DNAH9: variants seen among roughly 807,000 people sequenced by gnomAD.
DNAH9 encodes the protein DNAH9 variant protein.
A neutral mutation model predicts 471.6 loss-of-function variants in DNAH9; 345 were observed. The ratio of observed to expected loss-of-function variants is 0.73; its 90% CI spans 0.67 to 0.80. DNAH9 has a LOEUF of 0.80. Among genes scored for constraint, DNAH9 ranks in the 30% least tolerant of loss-of-function variants. DNAH9 has a pLI of 0.00. For synonymous variants in DNAH9, 2,093 were observed against 2,123.6 expected, an observed-to-expected ratio of 0.99 and a Z score of 0.40; for missense variants, 5,407 against 5,609.2, an observed-to-expected ratio of 0.96 and a Z score of 1.15.
chr17:11,690,197 GT>G lies in DNAH9; in HGVS notation c.4376del (p.Val1459AlafsTer11). 2 of 1,614,222 alleles carry G rather than the reference GT, an allele frequency of 1.2e-6. No individual in the cohort carries two copies. The highest frequency in any genetic ancestry group is 1.7e-6 in the Non-Finnish European group (2 of 1,180,036). Reference sequence around the variant, plus strand: ...GTATGAGCCCCACCCACGGACCAATGTCCCCCTCCTGTGCTCTGATGAGGAC... The same window carrying G: ...GTATGAGCCCCACCCACGGACCAATGCCCCCTCCTGTGCTCTGATGAGGAC... ...FQYEPHPRTN[V>X]PLLCSDEDLI... On this transcript the variant is annotated frameshift_variant, in exon 20 of 69. Transcript: ENST00000262442. LOFTEE classifies it high-confidence loss of function.
intron 50 of DNAH9, 22 bp from the exon 51 acceptor site, chr17:11,869,112 C>T: frequency 6.2e-7 from 1 of 1,611,238 alleles, no homozygotes; most frequent in African/African-American, 1.3e-5. Context: ...GACTGATGGT[C>T]CTTGTATTCC....
intron 49 of DNAH9, among the ~76,000 whole-genome samples, chr17:11,836,873 C>T (rs1468260501): frequency 6.6e-6 from 1 of 152,148 alleles, no homozygotes; most frequent in African/African-American, 2.4e-5. Flanking sequence ...TTTATATTTC[C>T]TAAGATGACT....
At chr17:11,832,093 G>A (rs1003158863) in intron 48 of DNAH9, among the ~76,000 whole-genome samples, 3 of 152,216 alleles carry the variant, frequency 2.0e-5, no homozygotes, top group Non-Finnish European at 4.4e-5. Flanking sequence ...AAATAAGGGA[G>A]AAGAGAAAGA....
chr17:11,624,495 C>G (rs1260982030), intron 6 of DNAH9, among the ~76,000 whole-genome samples: 1 of 150,234 alleles, frequency 6.7e-6, no homozygotes, highest in African/African-American at 2.4e-5. Context: ...GGTGACAGAG[C>G]AAGACTCCAT....
intron 61 of DNAH9, among the ~76,000 whole-genome samples, chr17:11,922,995 T>C (rs568124120): frequency 6.6e-6 from 1 of 152,198 alleles, no homozygotes; most frequent in South Asian, 2.1e-4. Context: ...CCTACCCCTC[T>C]TTGGGAATTA....
At chr17:11,835,325 G>A (rs374743150) in intron 49 of DNAH9, among the ~76,000 whole-genome samples, 2 of 152,254 alleles carry the variant, frequency 1.3e-5, no homozygotes, top group South Asian at 2.1e-4. Context: ...TGGGACACAC[G>A]AGCCCTTTAA....
intron 27 of DNAH9, chr17:11,723,021 G>A (rs2075088533): frequency 6.6e-6 from 1 of 152,288 alleles, no homozygotes; most frequent in South Asian, 2.1e-4. Flanking sequence ...TCCTCCTCCT[G>A]AGTCTCTGGT....
At chr17:11,694,777 C>CTTCTTTCTTTCTTTCTTTCT in intron 22 of DNAH9, among the ~76,000 whole-genome samples, 1 of 1,246 alleles carries the variant, frequency 8.0e-4, no homozygotes, top group African/African-American at 1.6e-3. Context: ...TCCTTCCTTC[C>CTTCTTTCTTTCTTTCTTTCT]TTCTTTCTTT....
chr17:11,844,543 T>C (rs1971146634), intron 49 of DNAH9, among the ~76,000 whole-genome samples: 1 of 152,042 alleles, frequency 6.6e-6, no homozygotes, highest in Admixed American at 6.6e-5. Context: ...GTAGCTGGGA[T>C]TGCAGGCGCA....
rs756703195 is a variant in DNAH9, at chr17:11,701,089, G to T, written c.5026-33G>T. ...TGTAGGACTAACCAAAACTTCTCAGGCACCCAGTGTCTAACCTGAGTTGTT... is the reference window on the plus strand; with the variant it reads ...TGTAGGACTAACCAAAACTTCTCAGTCACCCAGTGTCTAACCTGAGTTGTT... On this transcript the variant is annotated intron_variant, in intron 23 of 68. Coordinates refer to ENST00000262442, the MANE Select transcript of DNAH9 (RefSeq NM_001372.4). The T allele has an allele frequency of 2.5e-6, 4 of 1,613,116 alleles. No homozygotes were observed. The South Asian group carries it at 3.3e-5, about 13-fold the overall frequency.
At chr17:11,649,032 C>T (rs150433601) in intron 12 of DNAH9, among the ~76,000 whole-genome samples, 196 of 151,772 alleles carry the variant, frequency 1.3e-3, no homozygotes, top group African/African-American at 4.5e-3. Context: ...GAGGCTGAGG[C>T]AGGAGAATTG....
chr17:11,866,746 C>T (rs4309438), intron 50 of DNAH9, among the ~76,000 whole-genome samples: 59,408 of 152,134 alleles, frequency 0.39, 12,095 homozygotes, highest in Admixed American at 0.55. Context: ...CCCCCAGCCT[C>T]GCTGCCGCCT....
chr17:11,712,495 A>G (rs959795476), intron 26 of DNAH9, among the ~76,000 whole-genome samples: 1 of 152,046 alleles, frequency 6.6e-6, no homozygotes, highest in Non-Finnish European at 1.5e-5. Flanking sequence ...AGAAACTGAT[A>G]AGCTGTTTTC....
intron 68 of DNAH9, among the ~76,000 whole-genome samples, chr17:11,965,601 G>A (rs1222494318): frequency 2.0e-5 from 3 of 152,132 alleles, no homozygotes; most frequent in Non-Finnish European, 4.4e-5. Flanking sequence ...AAGGAAGAAA[G>A]CAATCAACGC....
chr17:11,777,530 G>A lies in DNAH9; in HGVS notation c.7553-3479G>A, dbSNP rs549692707. Among the ~76,000 whole-genome samples, 6 of 152,326 alleles carry A rather than the reference G, an allele frequency of 3.9e-5. No homozygotes were observed. The South Asian group carries it at 1.2e-3, about 32-fold the overall frequency. On this transcript the variant is annotated intron_variant, in intron 38 of 68. Coordinates refer to ENST00000262442, the MANE Select transcript of DNAH9 (RefSeq NM_001372.4). ...CAAAGAGCTTGGTTAAGGCATCAAT[G>A]GGCTTATAGTTTTAGTGTACAGAGA...
At position 11,721,705 on chromosome 17, in the gene DNAH9, GAGAA is replaced by G. The variant is rs2075062708; in HGVS notation, c.5709+2219_5709+2222del. Among the ~76,000 whole-genome samples, 6 of 152,050 alleles carry G rather than the reference GAGAA, an allele frequency of 3.9e-5. No individual in the cohort carries two copies. In the South Asian group the frequency reaches 1.2e-3, roughly 31 times the overall value. ...TGATAGATGAATGATTGATGAGAGAGAGAAAGAGAGAGATAGTATAACCCGATTT... is the reference window on the plus strand; with the variant it reads ...TGATAGATGAATGATTGATGAGAGAGAGAGAGAGATAGTATAACCCGATTT... On this transcript the variant is annotated intron_variant, in intron 27 of 68. Transcript: ENST00000262442.
intron 60 of DNAH9, among the ~76,000 whole-genome samples, chr17:11,903,513 A>G (rs930393526): frequency 3.9e-5 from 6 of 152,234 alleles, no homozygotes; most frequent in African/African-American, 1.4e-4. Context: ...TGGTATGTCA[A>G]TTACACCTCA....
At chr17:11,802,775 CTGTT>C (rs1380661476) in intron 43 of DNAH9, among the ~76,000 whole-genome samples, 3 of 152,132 alleles carry the variant, frequency 2.0e-5, no homozygotes, top group African/African-American at 7.2e-5. Context: ...CTCCATCCAG[CTGTT>C]TGTTCTCACC....
intron 61 of DNAH9, among the ~76,000 whole-genome samples, chr17:11,909,175 G>C (rs1973706748): frequency 1.3e-5 from 2 of 152,110 alleles, no homozygotes; most frequent in Admixed American, 1.3e-4. Flanking sequence ...CTATAGTCTT[G>C]ATGCTCTGGC....
Sources: allele counts gnomAD v4.1 joint callset (sites outside exome capture counted in the v4.1 genomes callset), GRCh38; gene constraint gnomAD v4.1.1; transcripts MANE v1.5; gene names NCBI Gene and HGNC (gene_info 2026-07-23, HGNC 2026-07-21).